JAK2: variants seen among roughly 807,000 people sequenced by gnomAD.
JAK2 encodes Janus kinase 2.
In JAK2, 86 loss-of-function variants were observed where a neutral mutation model predicts 139.3. That is an observed-to-expected ratio of 0.62 (90% CI 0.52 to 0.74). The LOEUF (loss-of-function observed/expected upper bound fraction) is 0.74. Ranked by LOEUF, JAK2 falls within the 30% of genes least tolerant of loss-of-function variation. JAK2 has a pLI of 0.00. For missense variants in JAK2, 1,421 were observed against 1,360.3 expected (o/e 1.04, Z -0.70); for synonymous variants, 490 against 437.7 (o/e 1.12, Z -1.49).
rs1050500978 is a variant in JAK2 at position 5,127,737 on chromosome 9, T to C, written c.*946T>C. On this transcript the variant is annotated 3_prime_UTR_variant, in exon 25 of 25. Coordinates refer to ENST00000381652, the MANE Select transcript of JAK2 (RefSeq NM_004972.4). The stretch of plus-strand genomic sequence containing the variant: ...CTAAATTTAAGCTTAAGCCATAAAA[T>C]AGATTAGATTGTTTTTTAAAAATGG... 14 of 232,462 alleles carry C rather than the reference T, an allele frequency of 6.0e-5. No individual in the cohort carries two copies. Among genetic ancestry groups the C allele is most frequent in the Non-Finnish European group, 8.5e-5 (10 of 117,238 alleles). The allele number at this position is 232,462 out of a possible 1,614,324, so 14.4% of individuals were successfully genotyped here. A position where few individuals can be genotyped will look rare whatever the true frequency, so the allele number is the denominator to read the frequency against.
intron 22 of JAK2, among the ~76,000 whole-genome samples, chr9:5,102,833 C>G (rs1046021451): frequency 1.3e-5 from 2 of 152,088 alleles, no homozygotes; most frequent in African/African-American, 4.8e-5. Context: ...CCTTTACAGA[C>G]AAGCAAATGC....
chr9:5,065,425 G>T (rs1177644754), intron 9 of JAK2, among the ~76,000 whole-genome samples: 1 of 152,126 alleles, frequency 6.6e-6, no homozygotes, highest in Non-Finnish European at 1.5e-5. Context: ...CTACTGAAAG[G>T]TTCAAACACA....
At chr9:4,987,593 G>A (rs1587788260) in intron 2 of JAK2, among the ~76,000 whole-genome samples, 1 of 151,692 alleles carries the variant, frequency 6.6e-6, no homozygotes, top group African/African-American at 2.4e-5. Flanking sequence ...AAAATTAGCC[G>A]GGCGTGGTGG....
chr9:5,041,293 C>G (rs2130285281), intron 4 of JAK2: 7 of 947,966 alleles, frequency 7.4e-6, no homozygotes, highest in Middle Eastern at 4.4e-4. Context: ...ACACTGGTCT[C>G]AGGACCAAGA....
At chr9:5,070,404 A>G (rs1406952976) in intron 12 of JAK2, among the ~76,000 whole-genome samples, 1 of 152,056 alleles carries the variant, frequency 6.6e-6, no homozygotes, top group African/African-American at 2.4e-5. Flanking sequence ...AACTGAGAAA[A>G]AAATCCAGCC....
At chr9:5,082,931 G>A (rs1371066682) in intron 19 of JAK2, among the ~76,000 whole-genome samples, 1 of 152,176 alleles carries the variant, frequency 6.6e-6, no homozygotes, top group Non-Finnish European at 1.5e-5. Context: ...AGATCAAAAT[G>A]GAATTTCTTA....
At chr9:5,006,011 T>G (rs1368803312) in intron 2 of JAK2, among the ~76,000 whole-genome samples, 1 of 152,208 alleles carries the variant, frequency 6.6e-6, no homozygotes, top group Non-Finnish European at 1.5e-5. Context: ...TTTAAAGTAG[T>G]TTTTTCCAAT....
Position 5,066,681 on chromosome 9 carries a change from G to A in JAK2, c.1218G>A (p.Met406Ile), listed in dbSNP as rs1167451934. Residue 406 changes from methionine (M) to isoleucine (I), a missense_variant, in exon 10 of 25, where the codon ATG becomes ATA. Coordinates refer to ENST00000381652, the MANE Select transcript of JAK2 (RefSeq NM_004972.4). ...IQSNCHGPIS[M>I]DFAISKLKKA... ...ATTGCTTCTTCTTTACCTTTAGGAT[G>A]GATTTTGCCATTAGTAAACTGAAGA... The A allele has an allele frequency of 6.4e-7, 1 of 1,570,358 alleles. No individual in the cohort carries two copies. The highest frequency in any genetic ancestry group is 1.1e-5 in the South Asian group (1 of 90,100).
intron 2 of JAK2, among the ~76,000 whole-genome samples, chr9:4,999,676 G>A (rs1820813051): frequency 6.6e-6 from 1 of 152,118 alleles, no homozygotes; most frequent in Non-Finnish European, 1.5e-5. Flanking sequence ...AGGGCAGGAA[G>A]CGTCTTGGCT....
intron 5 of JAK2, among the ~76,000 whole-genome samples, chr9:5,046,032 C>T (rs931149879): frequency 6.6e-6 from 1 of 152,174 alleles, no homozygotes; most frequent in African/African-American, 2.4e-5. Context: ...AATTTCTCAA[C>T]ATCCTCAACA....
chr9:5,125,986 TTC>T lies in JAK2; in HGVS notation c.3178-343_3178-342del, dbSNP rs375850267. 2.1e-3 allele frequency: 333 copies of T among 161,806 alleles called. 1 individual carries two copies. Among genetic ancestry groups the T allele is most frequent in the African/African-American group, 7.2e-3 (304 of 41,950 alleles). The allele number at this position is 161,806 out of a possible 1,614,324, so 10.0% of individuals were successfully genotyped here. A position where few individuals can be genotyped will look rare whatever the true frequency, so the allele number is the denominator to read the frequency against. ...GCTTATTCATTCATTTTTTCTTATA[TTC>T]TCTTTTATATTCAACTTTTTATTTC... On this transcript the variant is annotated intron_variant, in intron 23 of 24. Coordinates refer to ENST00000381652, the MANE Select transcript of JAK2 (RefSeq NM_004972.4).
intron 22 of JAK2, among the ~76,000 whole-genome samples, chr9:5,092,271 A>AG (rs371829624): frequency 6.6e-6 from 1 of 152,278 alleles, no homozygotes; most frequent in African/African-American, 2.4e-5. Flanking sequence ...AGGTTGAATA[A>AG]GGCCACGAAG....
chr9:5,026,832 G>A (rs555379622), intron 3 of JAK2, among the ~76,000 whole-genome samples: 1 of 152,276 alleles, frequency 6.6e-6, no homozygotes, highest in African/African-American at 2.4e-5. Flanking sequence ...TCAACCATTT[G>A]TTGATGTACC....
In JAK2 at chr9:4,994,380, A is replaced by G. The variant is rs149594214; in HGVS notation, c.-26+8358A>G. ...TACCTAAAGGACTTATTGAAACACAAATTGCCGCTGGGCCCCACCCCCAGA... is the reference window on the plus strand; with the variant it reads ...TACCTAAAGGACTTATTGAAACACAGATTGCCGCTGGGCCCCACCCCCAGA... On this transcript the variant is annotated intron_variant, in intron 2 of 24. Transcript: ENST00000381652. 1.6e-3 allele frequency among the ~76,000 whole-genome samples: 246 copies of G among 152,252 alleles called. 1 individual carries two copies. The highest frequency in any genetic ancestry group is 5.2e-3 in the African/African-American group (218 of 41,540).
intron 14 of JAK2, among the ~76,000 whole-genome samples, chr9:5,075,192 A>G (rs1246960081): frequency 6.6e-6 from 1 of 152,190 alleles, no homozygotes; most frequent in Non-Finnish European, 1.5e-5. Context: ...TGCACAGCAT[A>G]AGTGCAAGGT....
intron 22 of JAK2, among the ~76,000 whole-genome samples, chr9:5,120,982 T>C (rs1823575194): frequency 6.6e-6 from 1 of 152,128 alleles, no homozygotes; most frequent in Non-Finnish European, 1.5e-5. Context: ...GTCAAAGATA[T>C]GGTTATAAAT....
At chr9:5,015,989 A>G (rs940731500) in intron 2 of JAK2, among the ~76,000 whole-genome samples, 2 of 152,204 alleles carry the variant, frequency 1.3e-5, no homozygotes, top group Admixed American at 1.3e-4. Context: ...AGCCTATGCT[A>G]TGCTTGCTGG....
intron 10 of JAK2, among the ~76,000 whole-genome samples, chr9:5,067,840 A>G (rs900123264): frequency 2.0e-5 from 3 of 152,132 alleles, no homozygotes; most frequent in Non-Finnish European, 4.4e-5. Context: ...TATAGACAGT[A>G]ACAGACAGGT....
chr9:5,103,939 G>C (rs1821739707), intron 22 of JAK2, among the ~76,000 whole-genome samples: 2 of 152,098 alleles, frequency 1.3e-5, no homozygotes, highest in Admixed American at 6.5e-5. Context: ...GAAATTTATA[G>C]CACTAAATGC....
Sources: gnomAD v4.1 joint callset for allele counts (sites outside exome capture counted in the v4.1 genomes callset) on GRCh38, gnomAD v4.1.1 for gene constraint, MANE v1.5 for transcripts, NCBI Gene and HGNC (gene_info 2026-07-23, HGNC 2026-07-21) for gene names.